Variants in GYPC observed in about 807,000 individuals in gnomAD.
GYPC encodes the protein glycophorin C (Gerbich blood group).
In GYPC, 14 loss-of-function variants were observed where a neutral mutation model predicts 12.6. That is an observed-to-expected ratio of 1.11 (90% CI 0.74 to 1.74). The LOEUF (loss-of-function observed/expected upper bound fraction) is 1.74. GYPC is among the 40% of genes most tolerant of loss of function. The pLI is 0.00. For synonymous variants in GYPC, 78 were observed against 62.1 expected (o/e 1.26, Z -1.20); for missense variants, 225 against 172.1 (o/e 1.31, Z -1.72).
At chr2:126,689,399 T>C (rs1439883354) in intron 1 of GYPC, among the ~76,000 whole-genome samples, 1 of 152,078 alleles carries the variant, frequency 6.6e-6, no homozygotes, top group Non-Finnish European at 1.5e-5. Flanking sequence ...ATAGAGTAGA[T>C]AGAAGGCAGT....
chr2:126,661,562 C>T (rs1682538242), intron 1 of GYPC, among the ~76,000 whole-genome samples: 1 of 151,978 alleles, frequency 6.6e-6, no homozygotes, highest in Non-Finnish European at 1.5e-5. Context: ...ATGCAATTCT[C>T]CTGCCTCAGC....
chr2:126,686,271 C>G (rs1040582880), intron 1 of GYPC: 2 of 985,620 alleles, frequency 2.0e-6, no homozygotes, highest in African/African-American at 3.5e-5. Context: ...TCCATTGCAA[C>G]TGAGGTTCTG....
intron 1 of GYPC, among the ~76,000 whole-genome samples, chr2:126,661,205 C>G (rs1241516177): frequency 3.3e-5 from 5 of 152,146 alleles, no homozygotes; most frequent in African/African-American, 1.2e-4. Flanking sequence ...TGGAGAGCCT[C>G]TGCAGTTCTG....
intron 1 of GYPC, among the ~76,000 whole-genome samples, chr2:126,670,937 T>C (rs1682835457): frequency 6.6e-6 from 1 of 152,086 alleles, no homozygotes; most frequent in African/African-American, 2.4e-5. Flanking sequence ...CCCCCAAGCC[T>C]AAACTATTTA....
intron 1 of GYPC, among the ~76,000 whole-genome samples, chr2:126,687,824 A>G (rs1004536722): frequency 3.7e-4 from 56 of 152,140 alleles, no homozygotes; most frequent in Admixed American, 3.5e-3. Context: ...GTCTCCCAGT[A>G]TACAGATTTG....
intron 1 of GYPC, among the ~76,000 whole-genome samples, chr2:126,677,516 AGTCT>A (rs1247342690): frequency 0.085 from 7,147 of 84,254 alleles, 563 homozygotes; most frequent in African/African-American, 0.21. Flanking sequence ...AGTGTGTGTG[AGTCT>A]GTGTGTGTGT....
At chr2:126,686,349 C>G in intron 1 of GYPC, 1 of 985,728 alleles carries the variant, frequency 1.0e-6, no homozygotes, top group Non-Finnish European at 1.2e-6. Context: ...AGGGTTGTGC[C>G]TGTGTGCCCC....
At chr2:126,679,994 A>G (rs1335652948) in intron 1 of GYPC, 1 of 152,192 alleles carries the variant, frequency 6.6e-6, no homozygotes, top group Non-Finnish European at 1.5e-5. Context: ...CAGTCAGGTA[A>G]GCTAACAATG....
At chr2:126,674,886 A>G (rs987522024) in intron 1 of GYPC, among the ~76,000 whole-genome samples, 5 of 152,190 alleles carry the variant, frequency 3.3e-5, no homozygotes, top group African/African-American at 1.2e-4. Context: ...CCCCCAACAC[A>G]TTTGGTGAGT....
At chr2:126,665,686 A>T (rs1682659448) in intron 1 of GYPC, among the ~76,000 whole-genome samples, 1 of 152,214 alleles carries the variant, frequency 6.6e-6, no homozygotes, top group African/African-American at 2.4e-5. Context: ...ACTACAGCAG[A>T]CTCGGCACAG....
chr2:126,687,510 C>T (rs935417740), intron 1 of GYPC, among the ~76,000 whole-genome samples: 3 of 152,212 alleles, frequency 2.0e-5, no homozygotes, highest in African/African-American at 7.2e-5. Context: ...CCTCTCTATG[C>T]TGATTCTGAT....
chr2:126,685,710 TG>T (rs1573573752), intron 1 of GYPC: 1 of 876,268 alleles, frequency 1.1e-6, no homozygotes, highest in Non-Finnish European at 1.4e-6. Context: ...TAACCAGGCT[TG>T]TAGGTTCCTC....
At chr2:126,693,434 A>C (rs1361533202) in intron 2 of GYPC, among the ~76,000 whole-genome samples, 1 of 152,110 alleles carries the variant, frequency 6.6e-6, no homozygotes, top group Non-Finnish European at 1.5e-5. Context: ...TTTATAAATT[A>C]CCCAAGTATT....
chr2:126,692,135 T>C (rs1041413855), intron 2 of GYPC, among the ~76,000 whole-genome samples: 7 of 152,174 alleles, frequency 4.6e-5, no homozygotes, highest in African/African-American at 7.2e-5. Context: ...GCTACGGCCC[T>C]TGCTTCAGGT....
intron 1 of GYPC, among the ~76,000 whole-genome samples, chr2:126,688,871 G>A (rs1158549630): frequency 6.6e-6 from 1 of 151,966 alleles, no homozygotes; most frequent in Admixed American, 6.5e-5. Flanking sequence ...TCATCTGAGT[G>A]GAAATGACTA....
intron 1 of GYPC, among the ~76,000 whole-genome samples, chr2:126,671,690 C>G (rs551152296): frequency 1.3e-5 from 2 of 152,290 alleles, no homozygotes; most frequent in African/African-American, 4.8e-5. Flanking sequence ...TCACTGAGCA[C>G]CAGCTGTGTG....
intron 1 of GYPC, among the ~76,000 whole-genome samples, chr2:126,663,415 G>T (rs1435513522): frequency 6.6e-6 from 1 of 152,156 alleles, no homozygotes; most frequent in South Asian, 2.1e-4. Context: ...TCTTGGCCAC[G>T]CACGCCAGCT....
At position 126,696,139 on chromosome 2, in the gene GYPC, T is replaced by G. The variant is rs778246516; in HGVS notation, c.384T>G (p.Ile128Met). ...AGDSSRKEYF[I>M] ...ATAGCAGCAGAAAGGAGTACTTTAT[T>G]TGAGGGACAACAGACTTCACTTCCC... Residue 128 changes from isoleucine (I) to methionine (M), a missense_variant, in exon 4 of 4, where the codon ATT (isoleucine) becomes ATG (methionine). By Grantham distance (10) the Ile-to-Met change is conservative (BLOSUM62 1). Transcript: ENST00000259254. The G allele has an allele frequency of 2.5e-6, 4 of 1,612,208 alleles. No homozygotes were observed. Among genetic ancestry groups the G allele is most frequent in the Non-Finnish European group, 3.4e-6 (4 of 1,178,336 alleles).
At chr2:126,676,801 C>T (rs2104787840) in intron 1 of GYPC, among the ~76,000 whole-genome samples, 1 of 152,190 alleles carries the variant, frequency 6.6e-6, no homozygotes, top group East Asian at 1.9e-4. Flanking sequence ...GCTTTTTCTC[C>T]CTAAGCACAG....
Sources: gnomAD v4.1 joint callset for allele counts (sites outside exome capture counted in the v4.1 genomes callset) on GRCh38, gnomAD v4.1.1 for gene constraint, MANE v1.5 for transcripts, NCBI Gene and HGNC (gene_info 2026-07-23, HGNC 2026-07-21) for gene names.